TNR: variants seen among roughly 807,000 people sequenced by gnomAD.
The protein encoded by TNR is tenascin-R.
A neutral mutation model predicts 150.4 loss-of-function variants in TNR; 45 were observed. The ratio of observed to expected loss-of-function variants is 0.30; its 90% CI spans 0.24 to 0.38. The LOEUF (loss-of-function observed/expected upper bound fraction) is 0.38. TNR is among the 10% of genes least tolerant of loss of function. The pLI, the probability that TNR is intolerant of heterozygous loss-of-function variation, is 1.00. For missense variants in TNR, 1,544 were observed against 1,759.1 expected, an observed-to-expected ratio of 0.88 and a Z score of 2.19; for synonymous variants, 687 against 678.4, an observed-to-expected ratio of 1.01 and a Z score of -0.20.
intron 1 of TNR, among the ~76,000 whole-genome samples, chr1:175,655,795 G>C (rs1042771571): frequency 6.6e-6 from 1 of 152,202 alleles, no homozygotes; most frequent in Non-Finnish European, 1.5e-5. Flanking sequence ...CCCTGTGAGG[G>C]AGAAAGGAAC....
chr1:175,356,395 G>A lies in TNR; in HGVS notation c.3042C>T (p.Ser1014=). Residue 1014 remains serine (S), a synonymous_variant, in exon 16 of 23, where the codon AGC becomes AGT. Coordinates refer to ENST00000367674, the MANE Select transcript of TNR (RefSeq NM_003285.3). ...CATACATGGTGGCAGTATAGTGGGTGCTAGGAAGCAGGTCAACAAGCCGAA... is the reference window on the plus strand; with the variant it reads ...CATACATGGTGGCAGTATAGTGGGTACTAGGAAGCAGGTCAACAAGCCGAA... The part of the protein sequence containing the change: ...EEFRLVDLLP[S]THYTATMYAT... 1 of 1,614,072 alleles carries A rather than the reference G, an allele frequency of 6.2e-7. No individual in the cohort carries two copies. The highest frequency in any genetic ancestry group is 8.5e-7 in the Non-Finnish European group (1 of 1,179,964).
chr1:175,367,173 ACCTGGTCTTCTTCC>A lies in TNR; in HGVS notation c.2053+21_2053+34del, dbSNP rs750767912. ...CATGACTCCTTAGGCTTATAGGCTA[ACCTGGTCTTCTTCC>A]TCAGCAGTCCTCCTACTCACCAGTC... On this transcript the variant is annotated intron_variant, in intron 10 of 22. Transcript: ENST00000367674. 9.3e-6 allele frequency: 15 copies of A among 1,605,354 alleles called. No individual in the cohort carries two copies. In the South Asian group the frequency reaches 1.4e-4, roughly 15 times the overall value.
chr1:175,378,736 A>G (rs859421), intron 9 of TNR, among the ~76,000 whole-genome samples: 117,955 of 152,190 alleles, frequency 0.78, 45,819 homozygotes, highest in East Asian at 0.88. Flanking sequence ...AACATCAGGG[A>G]ACATGGGTGG....
intron 1 of TNR, among the ~76,000 whole-genome samples, chr1:175,702,176 T>G (rs1292040562): frequency 6.6e-6 from 1 of 152,210 alleles, no homozygotes; most frequent in Non-Finnish European, 1.5e-5. Flanking sequence ...CTTCCATGTG[T>G]GCTAAATGAC....
intron 9 of TNR, among the ~76,000 whole-genome samples, chr1:175,376,860 T>TATATATATATATATATATATATA (rs1553211469): frequency 8.8e-5 from 10 of 113,698 alleles, no homozygotes; most frequent in South Asian, 2.8e-4. Flanking sequence ...AAATGTAATA[T>TATATATATATATATATATATATA]TATATATATA....
intron 1 of TNR, among the ~76,000 whole-genome samples, chr1:175,532,569 T>C (rs1660114304): frequency 6.6e-6 from 1 of 152,228 alleles, no homozygotes; most frequent in Admixed American, 6.5e-5. Context: ...TATCTACTGA[T>C]GCATAACAAA....
At chr1:175,639,150 A>G (rs918504830) in intron 1 of TNR, among the ~76,000 whole-genome samples, 2 of 152,188 alleles carry the variant, frequency 1.3e-5, no homozygotes, top group African/African-American at 4.8e-5. Context: ...TATTCTACAT[A>G]GTGGCCCAAA....
chr1:175,410,217 G>A (rs1654145943), intron 2 of TNR, among the ~76,000 whole-genome samples: 1 of 152,186 alleles, frequency 6.6e-6, no homozygotes, highest in South Asian at 2.1e-4. Context: ...AAATGAACAA[G>A]GGAGCCCTGT....
At chr1:175,489,294 G>A (rs897348549) in intron 2 of TNR, among the ~76,000 whole-genome samples, 6 of 152,126 alleles carry the variant, frequency 3.9e-5, no homozygotes, top group African/African-American at 1.4e-4. Flanking sequence ...AACTCATGTG[G>A]TCCCCAGGTA....
chr1:175,708,987 G>GCACTGGGGTCCTTCA lies in TNR; in HGVS notation c.-165+34238_-165+34239insTGAAGGACCCCAGTG, dbSNP rs1558084582. The stretch of plus-strand genomic sequence containing the variant: ...ATGCACACAAGCACCCCCACGTGGC[G>GCACTGGGGTCCTTCA]AGCATGTTATATCATGTAATCCTCA... On this transcript the variant is annotated intron_variant, in intron 1 of 22. Transcript: ENST00000367674. Among the ~76,000 whole-genome samples the GCACTGGGGTCCTTCA allele has an allele frequency of 4.5e-3, 677 of 152,030 alleles. 5 individuals are homozygous for GCACTGGGGTCCTTCA. Among genetic ancestry groups the GCACTGGGGTCCTTCA allele is most frequent in the African/African-American group, 0.016 (646 of 41,372 alleles).
chr1:175,468,804 C>T (rs1657147459), intron 2 of TNR, among the ~76,000 whole-genome samples: 2 of 152,008 alleles, frequency 1.3e-5, no homozygotes, highest in African/African-American at 4.8e-5. Flanking sequence ...GGAGGTGGGG[C>T]CAGCCTGGTA....
At chr1:175,550,789 C>G (rs1660908960) in intron 1 of TNR, among the ~76,000 whole-genome samples, 1 of 150,330 alleles carries the variant, frequency 6.7e-6, no homozygotes, top group Non-Finnish European at 1.5e-5. Context: ...AAAAAAAAAC[C>G]TAAGCAAAAA....
chr1:175,583,450 G>A (rs1283051830), intron 1 of TNR, among the ~76,000 whole-genome samples: 1 of 152,160 alleles, frequency 6.6e-6, no homozygotes, highest in African/African-American at 2.4e-5. Context: ...AAGAGAGCCG[G>A]CTGCCAAGGT....
intron 1 of TNR, among the ~76,000 whole-genome samples, chr1:175,569,377 C>T (rs922158343): frequency 2.6e-5 from 4 of 152,180 alleles, no homozygotes; most frequent in African/African-American, 9.7e-5. Flanking sequence ...ATTGTGTCCA[C>T]AAAAGAACCA....
chr1:175,542,251 T>C (rs969702818), intron 1 of TNR, among the ~76,000 whole-genome samples: 1 of 152,172 alleles, frequency 6.6e-6, no homozygotes, highest in Admixed American at 6.5e-5. Context: ...TCCTCAAAAA[T>C]ACTATACCCC....
At chr1:175,324,892 T>C (rs910043854) in intron 21 of TNR, among the ~76,000 whole-genome samples, 13 of 152,174 alleles carry the variant, frequency 8.5e-5, no homozygotes, top group African/African-American at 3.1e-4. Flanking sequence ...CAGGCAGACT[T>C]GGGCCATTCT....
intron 2 of TNR, among the ~76,000 whole-genome samples, chr1:175,465,533 G>A (rs556988192): frequency 1.3e-5 from 2 of 152,306 alleles, no homozygotes; most frequent in East Asian, 3.9e-4. Flanking sequence ...AGTCAGCAGG[G>A]CCTTGTTTCC....
chr1:175,628,518 A>G (rs1243486089), intron 1 of TNR, among the ~76,000 whole-genome samples: 1 of 139,400 alleles, frequency 7.2e-6, no homozygotes, highest in African/African-American at 2.8e-5. Flanking sequence ...GTATAATAAT[A>G]ATAAAATTAA....
At chr1:175,683,191 T>C (rs1666091943) in intron 1 of TNR, among the ~76,000 whole-genome samples, 1 of 152,108 alleles carries the variant, frequency 6.6e-6, no homozygotes, top group Non-Finnish European at 1.5e-5. Flanking sequence ...CTTCTCTCCT[T>C]ACTAACTGTG....
Sources: allele counts gnomAD v4.1 joint callset (sites outside exome capture counted in the v4.1 genomes callset), GRCh38; gene constraint gnomAD v4.1.1; transcripts MANE v1.5; gene names NCBI Gene and HGNC (gene_info 2026-07-23, HGNC 2026-07-21).